The following FBXO34 variants were observed in gnomAD, a reference collection of about 807,000 sequenced individuals.
FBXO34 encodes the protein F-box protein 34.
In FBXO34, 12 loss-of-function variants were observed where a neutral mutation model predicts 24.5. That is an observed-to-expected ratio of 0.49 (90% CI 0.31 to 0.79). FBXO34 has a LOEUF of 0.79. Among genes scored for constraint, FBXO34 ranks in the 30% least tolerant of loss-of-function variants. The pLI is 0.04. For synonymous variants in FBXO34, 320 were observed against 311.9 expected (o/e 1.03, Z -0.27); for missense variants, 823 against 857.7 (o/e 0.96, Z 0.51).
At chr14:55,365,058 TAAAAAAA>T (rs563260970), downstream of FBXO34, among the ~76,000 whole-genome samples, 2 of 124,462 alleles carry the variant, frequency 1.6e-5, no homozygotes, top group African/African-American at 6.2e-5. Context: ...ATCTCTACTT[TAAAAAAA>T]AAAAAAAAAA....
At chr14:55,372,186 C>T (rs529114330), downstream of FBXO34, among the ~76,000 whole-genome samples, 9 of 152,214 alleles carry the variant, frequency 5.9e-5, no homozygotes, top group Admixed American at 2.0e-4. Flanking sequence ...CCCCTCCCAC[C>T]TCCCACTCTG....
the FBXO34 span, among the ~76,000 whole-genome samples, chr14:55,383,592 A>G: frequency 6.6e-6 from 1 of 151,614 alleles, no homozygotes; most frequent in Non-Finnish European, 1.5e-5. Flanking sequence ...CAACAACAAA[A>G]AAAACCCCCA....
At chr14:55,374,356 C>T (rs1312093457), downstream of FBXO34, among the ~76,000 whole-genome samples, 1 of 152,024 alleles carries the variant, frequency 6.6e-6, no homozygotes, top group African/African-American at 2.4e-5. Context: ...TTGTGTGAGC[C>T]GCATGTTTTA....
the FBXO34 span, among the ~76,000 whole-genome samples, chr14:55,423,899 A>G: frequency 6.6e-6 from 1 of 152,230 alleles, no homozygotes; most frequent in Admixed American, 6.5e-5. Flanking sequence ...TTTAAGCCAT[A>G]TATGTTATCA....
intron 1 of FBXO34, among the ~76,000 whole-genome samples, chr14:55,297,404 T>A (rs1480768292): frequency 1.3e-5 from 2 of 152,224 alleles, no homozygotes; most frequent in African/African-American, 4.8e-5. Flanking sequence ...TACTAGCCTC[T>A]CAGTGCCCCA....
chr14:55,350,706 G>A lies in FBXO34; in HGVS notation c.316G>A (p.Asp106Asn), dbSNP rs758338808. The A allele has an allele frequency of 1.2e-6, 2 of 1,613,518 alleles. No individual in the cohort carries two copies. Among genetic ancestry groups the A allele is most frequent in the Admixed American group, 3.3e-5 (2 of 59,812 alleles). Reference sequence around the variant, plus strand: ...CCAGGGCGAAGAAGAAGGACCACTTGATATCTGGGCTGTTGTGAAACCTGG... The same window carrying A: ...CCAGGGCGAAGAAGAAGGACCACTTAATATCTGGGCTGTTGTGAAACCTGG... ...IHQGEEEGPL[D>N]IWAVVKPGNT... Residue 106 changes from aspartate to asparagine, a missense_variant, in exon 2 of 2, where the codon GAT (aspartate) becomes AAT (asparagine). Physicochemically the swap from Asp to Asn is conservative, Grantham distance 23 (BLOSUM62 1). Around this residue, in one of 2 missense-constraint regions of FBXO34, gnomAD observed 693 missense variants for 659.1 expected, o/e 1.05. Transcript: ENST00000313833.
chr14:55,319,603 A>G (rs1261112099), intron 1 of FBXO34, among the ~76,000 whole-genome samples: 1 of 152,206 alleles, frequency 6.6e-6, no homozygotes, highest in African/African-American at 2.4e-5. Context: ...TGGCAGGAGA[A>G]TTAGTCCAGG....
At chr14:55,331,485 A>G (rs1027345108) in intron 1 of FBXO34, among the ~76,000 whole-genome samples, 1 of 150,826 alleles carries the variant, frequency 6.6e-6, no homozygotes, top group Admixed American at 6.6e-5. Flanking sequence ...AAATAAATAC[A>G]TAACACCTCA....
chr14:55,423,241 G>C, the FBXO34 span, among the ~76,000 whole-genome samples: 7 of 152,206 alleles, frequency 4.6e-5, no homozygotes. Context: ...GTACCATTTT[G>C]TTTGGAATGC....
chr14:55,374,036 T>A (rs1884872857), downstream of FBXO34, among the ~76,000 whole-genome samples: 1 of 152,168 alleles, frequency 6.6e-6, no homozygotes. Context: ...AAAACCTGAC[T>A]CAAGAGTAAG....
At chr14:55,394,043 G>A in the FBXO34 span, among the ~76,000 whole-genome samples, 1 of 134,322 alleles carries the variant, frequency 7.4e-6, no homozygotes, top group South Asian at 2.3e-4. Flanking sequence ...GTGTTGCTCT[G>A]TCGCCCAGGC....
chr14:55,399,372 C>G, the FBXO34 span, among the ~76,000 whole-genome samples: 1 of 152,150 alleles, frequency 6.6e-6, no homozygotes, highest in Non-Finnish European at 1.5e-5. Context: ...CAGAACATTC[C>G]CATCATTGTG....
chr14:55,316,254 GATGAAC>G (rs1364246208), intron 1 of FBXO34, among the ~76,000 whole-genome samples: 4 of 152,048 alleles, frequency 2.6e-5, no homozygotes, highest in Non-Finnish European at 5.9e-5. Context: ...CTGAGTACAG[GATGAAC>G]ATGTAGAGTC....
At chr14:55,405,739 C>G in the FBXO34 span, among the ~76,000 whole-genome samples, 1 of 152,288 alleles carries the variant, frequency 6.6e-6, no homozygotes, top group South Asian at 2.1e-4. Context: ...ATATGTCCAG[C>G]AGTACAGATC....
chr14:55,281,283 C>T (rs1212432676), intron 1 of FBXO34, among the ~76,000 whole-genome samples: 4 of 145,354 alleles, frequency 2.8e-5, no homozygotes, highest in Non-Finnish European at 6.0e-5. Context: ...AAAAGCACAT[C>T]TCAGTTCAGA....
intron 1 of FBXO34, among the ~76,000 whole-genome samples, chr14:55,312,362 T>G (rs1002401450): frequency 1.3e-5 from 2 of 152,098 alleles, no homozygotes; most frequent in Non-Finnish European, 2.9e-5. Flanking sequence ...CACGGGCTGG[T>G]CTTGAGTATC....
chr14:55,299,474 ATAAAC>A (rs1882268758), intron 1 of FBXO34, among the ~76,000 whole-genome samples: 1 of 135,904 alleles, frequency 7.4e-6, no homozygotes, highest in Non-Finnish European at 1.5e-5. Flanking sequence ...TTTCTGTAAA[ATAAAC>A]TGTGTTTGCA....
At chr14:55,414,676 G>A in the FBXO34 span, among the ~76,000 whole-genome samples, 2 of 152,250 alleles carry the variant, frequency 1.3e-5, no homozygotes, top group East Asian at 3.9e-4. Context: ...TTCTCTGTGG[G>A]TGTCATCTTT....
chr14:55,419,558 G>A, the FBXO34 span, among the ~76,000 whole-genome samples: 1 of 152,182 alleles, frequency 6.6e-6, no homozygotes, highest in Non-Finnish European at 1.5e-5. Flanking sequence ...CTGGGCCCAG[G>A]TCCTGTTGCT....
Sources: allele counts gnomAD v4.1 joint callset (sites outside exome capture counted in the v4.1 genomes callset), GRCh38; gene constraint gnomAD v4.1.1; regional missense constraint gnomAD v4.1.1; transcripts MANE v1.5; gene names NCBI Gene and HGNC (gene_info 2026-07-23, HGNC 2026-07-21).